KATNIP: variants seen among roughly 807,000 people sequenced by gnomAD.
KATNIP encodes katanin interacting protein.
A neutral mutation model predicts 174.0 loss-of-function variants in KATNIP; 126 were observed. The ratio of observed to expected loss-of-function variants is 0.72; its 90% CI spans 0.63 to 0.84. The LOEUF (loss-of-function observed/expected upper bound fraction) is 0.84. KATNIP is among the 40% of genes least tolerant of loss of function. KATNIP has a pLI of 0.00. For synonymous variants in KATNIP, 810 were observed against 835.7 expected (o/e 0.97, Z 0.53); for missense variants, 1,958 against 2,109.7 (o/e 0.93, Z 1.41).
chr16:27,620,321 A>T (rs370377132), intron 3 of KATNIP, among the ~76,000 whole-genome samples: 23 of 152,300 alleles, frequency 1.5e-4, no homozygotes, highest in African/African-American at 3.6e-4. Flanking sequence ...CGTCGGTGAA[A>T]TCTCAAAGGC....
At chr16:27,757,012 A>G (rs181447995) in intron 18 of KATNIP, among the ~76,000 whole-genome samples, 108 of 152,306 alleles carry the variant, frequency 7.1e-4, no homozygotes, top group Admixed American at 2.4e-3. Flanking sequence ...AGTTGCAACT[A>G]CTATCCCAGA....
chr16:27,614,308 C>T (rs540426959), intron 2 of KATNIP, among the ~76,000 whole-genome samples: 11 of 152,030 alleles, frequency 7.2e-5, no homozygotes, highest in Non-Finnish European at 8.8e-5. Flanking sequence ...TGGAAGTGCC[C>T]GCCACCTCGC....
At chr16:27,758,001 T>G (rs1324919739) in intron 18 of KATNIP, among the ~76,000 whole-genome samples, 2 of 152,234 alleles carry the variant, frequency 1.3e-5, no homozygotes, top group African/African-American at 4.8e-5. Flanking sequence ...AATTTCCATT[T>G]GTATAAATAC....
intron 12 of KATNIP, among the ~76,000 whole-genome samples, chr16:27,706,160 C>A (rs929346106): frequency 6.6e-6 from 1 of 152,142 alleles, no homozygotes; most frequent in Non-Finnish European, 1.5e-5. Context: ...AGTCCCACCC[C>A]CTGGAGCTCA....
chr16:27,563,615 A>G (rs1454341842), intron 1 of KATNIP, among the ~76,000 whole-genome samples: 2 of 152,208 alleles, frequency 1.3e-5, no homozygotes, highest in Non-Finnish European at 2.9e-5. Flanking sequence ...GAGCCTGGTC[A>G]GAATGAGGCT....
At chr16:27,615,051 C>G (rs1349546043) in intron 2 of KATNIP, among the ~76,000 whole-genome samples, 2 of 152,202 alleles carry the variant, frequency 1.3e-5, no homozygotes, top group Non-Finnish European at 2.9e-5. Context: ...TGAAGGCTAG[C>G]TAGAGAAGGC....
intron 2 of KATNIP, among the ~76,000 whole-genome samples, chr16:27,598,914 C>T (rs2075425347): frequency 1.3e-5 from 2 of 152,130 alleles, no homozygotes; most frequent in Non-Finnish European, 2.9e-5. Context: ...TCAGAGATGT[C>T]CCAGTTGAGA....
At chr16:27,709,733 A>T (rs1401089398) in intron 13 of KATNIP, among the ~76,000 whole-genome samples, 1 of 151,280 alleles carries the variant, frequency 6.6e-6, no homozygotes, top group Non-Finnish European at 1.5e-5. Context: ...GGCCCCAGAC[A>T]CTCTCTCCCT....
intron 1 of KATNIP, among the ~76,000 whole-genome samples, chr16:27,561,864 T>TG (rs61455415): frequency 1.3e-5 from 2 of 152,348 alleles, no homozygotes; most frequent in East Asian, 3.9e-4. Flanking sequence ...GAAGTTCCCT[T>TG]GCAGGGGTCA....
chr16:27,567,166 A>T (rs1047289869), intron 1 of KATNIP, among the ~76,000 whole-genome samples: 1 of 152,248 alleles, frequency 6.6e-6, no homozygotes, highest in African/African-American at 2.4e-5. Flanking sequence ...AGGCTCCTCC[A>T]TCTCCCTCTG....
intron 6 of KATNIP, among the ~76,000 whole-genome samples, chr16:27,656,639 G>A (rs2077297639): frequency 1.3e-5 from 2 of 150,124 alleles, no homozygotes; most frequent in Admixed American, 1.3e-4. Flanking sequence ...GTCCTTTGTA[G>A]GGACATGGAT....
At chr16:27,771,207 C>T (rs1290605605) in intron 21 of KATNIP, among the ~76,000 whole-genome samples, 8 of 152,196 alleles carry the variant, frequency 5.3e-5, no homozygotes, top group African/African-American at 1.7e-4. Context: ...GGCAACCTCA[C>T]GTCCCATCCC....
chr16:27,552,212 A>G (rs1042647962), intron 1 of KATNIP, among the ~76,000 whole-genome samples: 2 of 152,150 alleles, frequency 1.3e-5, no homozygotes, highest in South Asian at 2.1e-4. Context: ...TCAGGATTCA[A>G]ACTGTTTTTT....
chr16:27,567,235 T>A (rs2090126244), intron 1 of KATNIP, among the ~76,000 whole-genome samples: 2 of 152,232 alleles, frequency 1.3e-5, no homozygotes, highest in Admixed American at 6.5e-5. Context: ...TTTCTCATTA[T>A]GTTATGTTTT....
At chr16:27,681,558 G>A (rs1567295142) in intron 8 of KATNIP, 28 bp downstream of exon 8, 1 of 1,613,784 alleles carries the variant, frequency 6.2e-7, no homozygotes, top group Non-Finnish European at 8.5e-7. Context: ...CCCTGAGCAG[G>A]GGAGCAGGGC....
At chr16:27,679,936 A>G (rs908221883) in intron 7 of KATNIP, among the ~76,000 whole-genome samples, 2 of 151,522 alleles carry the variant, frequency 1.3e-5, no homozygotes, top group African/African-American at 4.9e-5. Flanking sequence ...TTTCCTCTCC[A>G]CTCAGAACCC....
Position 27,779,244 on chromosome 16 carries a change from T to C in KATNIP, c.*615T>C, listed in dbSNP as rs1304660175. 2.6e-5 allele frequency: 4 copies of C among 152,202 alleles called. No individual in the cohort carries two copies. Among genetic ancestry groups the C allele is most frequent in the African/African-American group, 9.7e-5 (4 of 41,382 alleles). 9.4% of individuals were successfully genotyped at this position (152,202 alleles called of 1,614,324 possible). A position where few individuals can be genotyped will look rare whatever the true frequency, so the allele number is the denominator to read the frequency against. ...CGGTATAGGGGCCTCTCTCCTCTCA[T>C]CGGGCCTGATAAGGGATTGGCCAAG... On this transcript the variant is annotated 3_prime_UTR_variant, in exon 28 of 28. Coordinates refer to ENST00000261588, the MANE Select transcript of KATNIP (RefSeq NM_015202.5).
intron 2 of KATNIP, among the ~76,000 whole-genome samples, chr16:27,591,626 T>C (rs1002771379): frequency 6.6e-6 from 1 of 152,188 alleles, no homozygotes; most frequent in Non-Finnish European, 1.5e-5. Context: ...CTAGGGTTAA[T>C]GAGAGTGTCA....
intron 1 of KATNIP, among the ~76,000 whole-genome samples, chr16:27,569,808 C>T (rs1055082805): frequency 6.6e-5 from 10 of 152,156 alleles, no homozygotes; most frequent in Admixed American, 2.6e-4. Context: ...GAATTATCTT[C>T]GTTGGAAAAT....
Sources: gnomAD v4.1 joint callset for allele counts (sites outside exome capture counted in the v4.1 genomes callset) on GRCh38, gnomAD v4.1.1 for gene constraint, MANE v1.5 for transcripts, NCBI Gene and HGNC (gene_info 2026-07-23, HGNC 2026-07-21) for gene names.